The following RAP1GAP2 variants were observed in gnomAD, a reference collection of about 807,000 sequenced individuals.
RAP1GAP2 encodes RAP1 GTPase activating protein 2.
RAP1GAP2 carries 27 observed loss-of-function variants against 95.0 expected under a neutral mutation model. The ratio of observed to expected loss-of-function variants is 0.28; its 90% CI spans 0.21 to 0.39. The LOEUF (loss-of-function observed/expected upper bound fraction) is 0.39. Ranked by LOEUF, RAP1GAP2 falls within the 10% of genes least tolerant of loss-of-function variation. RAP1GAP2 has a pLI of 1.00. For synonymous variants in RAP1GAP2, 373 were observed against 380.9 expected (o/e 0.98, Z 0.24); for missense variants, 771 against 970.0 (o/e 0.79, Z 2.72).
chr17:2,826,466 G>A (rs1366126025), intron 2 of RAP1GAP2, among the ~76,000 whole-genome samples: 10 of 152,110 alleles, frequency 6.6e-5, no homozygotes, highest in Non-Finnish European at 1.0e-4. Flanking sequence ...GGCTCTGAGT[G>A]TGTTGCCGGC....
At chr17:2,964,947 C>G (rs1207968616) in intron 7 of RAP1GAP2, 1 of 152,804 alleles carries the variant, frequency 6.5e-6, no homozygotes, top group Non-Finnish European at 1.5e-5. Flanking sequence ...TGTTAGCATG[C>G]AGATTCCAGG....
intron 8 of RAP1GAP2, among the ~76,000 whole-genome samples, chr17:2,972,598 CAAAAAAAAAAAAA>C (rs35539479): frequency 1.2e-5 from 1 of 85,532 alleles, no homozygotes; most frequent in Non-Finnish European, 2.1e-5. Flanking sequence ...AAGTCCTTCT[CAAAAAAAAAAAAA>C]AAAAAAAAGG....
intron 2 of RAP1GAP2, among the ~76,000 whole-genome samples, chr17:2,835,019 A>G (rs1338346279): frequency 6.6e-6 from 1 of 151,718 alleles, no homozygotes; most frequent in Non-Finnish European, 1.5e-5. Flanking sequence ...TCCCAGGTTC[A>G]TGCCATTCTC....
At chr17:2,808,752 A>C (rs780937368) in intron 2 of RAP1GAP2, among the ~76,000 whole-genome samples, 3 of 151,982 alleles carry the variant, frequency 2.0e-5, no homozygotes, top group Middle Eastern at 3.2e-3. Flanking sequence ...TGGTTCGTTG[A>C]TTTCTTCAGG....
At chr17:2,780,174 C>T (rs778556302) in intron 1 of RAP1GAP2, among the ~76,000 whole-genome samples, 1 of 152,198 alleles carries the variant, frequency 6.6e-6, no homozygotes, top group Non-Finnish European at 1.5e-5. Flanking sequence ...TCTCAGCCTC[C>T]CGAGTTGCTG....
At chr17:2,970,287 A>T (rs996752708) in intron 8 of RAP1GAP2, among the ~76,000 whole-genome samples, 49 of 148,874 alleles carry the variant, frequency 3.3e-4, no homozygotes, top group Non-Finnish European at 5.5e-4. Flanking sequence ...AAAAAAAAAA[A>T]AAAAAAAAAT....
At chr17:2,927,443 G>A (rs139335849) in intron 3 of RAP1GAP2, among the ~76,000 whole-genome samples, 310 of 152,292 alleles carry the variant, frequency 2.0e-3, no homozygotes, top group East Asian at 7.1e-3. Context: ...GTGAGCCACC[G>A]CGCCCGGCTG....
chr17:2,926,452 C>CTG (rs1321800456), intron 3 of RAP1GAP2, among the ~76,000 whole-genome samples: 6 of 152,210 alleles, frequency 3.9e-5, no homozygotes, highest in Admixed American at 3.9e-4. Flanking sequence ...TCACTGCACA[C>CTG]TGTGAATATG....
At chr17:2,889,571 C>T (rs2073617223) in intron 2 of RAP1GAP2, among the ~76,000 whole-genome samples, 1 of 152,102 alleles carries the variant, frequency 6.6e-6, no homozygotes, top group Admixed American at 6.6e-5. Flanking sequence ...GGCCAGATTC[C>T]AGTATGCCCC....
chr17:2,811,505 A>G (rs1199022525), intron 2 of RAP1GAP2, among the ~76,000 whole-genome samples: 1 of 152,212 alleles, frequency 6.6e-6, no homozygotes, highest in African/African-American at 2.4e-5. Flanking sequence ...CACTGCAAGA[A>G]TGCTGGCCTG....
At chr17:2,837,028 A>T (rs939717798) in intron 2 of RAP1GAP2, among the ~76,000 whole-genome samples, 7 of 152,134 alleles carry the variant, frequency 4.6e-5, no homozygotes, top group Admixed American at 6.6e-5. Flanking sequence ...AGACAGGAGG[A>T]TCACTTGAGG....
chr17:2,925,503 G>A (rs561506382), intron 3 of RAP1GAP2, among the ~76,000 whole-genome samples: 6 of 152,212 alleles, frequency 3.9e-5, no homozygotes, highest in African/African-American at 1.2e-4. Context: ...TCACTGTCAC[G>A]AGAACAGCGT....
In RAP1GAP2 at chr17:2,797,335, C is replaced by T. The variant is rs562218814; in HGVS notation, c.44+764C>T. 5.7e-4 allele frequency among the ~76,000 whole-genome samples: 87 copies of T among 152,288 alleles called. No homozygotes were observed. Among genetic ancestry groups the T allele is most frequent in the Non-Finnish European group, 1.1e-3 (77 of 68,026 alleles). ...TGTGCTTTTTCTTCCCGGCGGGGGG[C>T]AGAAGGTAGGCACACGAAGGCCAAA... On this transcript the variant is annotated intron_variant, in intron 1 of 24. Transcript: ENST00000254695. The surrounding 1 kb of genome is among the most constrained non-coding windows in gnomAD (Gnocchi z 5.6).
At chr17:2,927,239 C>T (rs1011919433) in intron 3 of RAP1GAP2, among the ~76,000 whole-genome samples, 81 of 151,666 alleles carry the variant, frequency 5.3e-4, no homozygotes, top group African/African-American at 1.7e-3. Flanking sequence ...CTGCAAGCTC[C>T]GCCTCCCGGG....
intron 19 of RAP1GAP2, among the ~76,000 whole-genome samples, chr17:3,024,674 T>G (rs1186730930): frequency 6.6e-6 from 1 of 152,244 alleles, no homozygotes; most frequent in African/African-American, 2.4e-5. Context: ...ATGTCCATTG[T>G]CTGATGAATG....
At chr17:2,909,946 C>T (rs572615391) in intron 3 of RAP1GAP2, among the ~76,000 whole-genome samples, 48 of 152,264 alleles carry the variant, frequency 3.2e-4, no homozygotes, top group Non-Finnish European at 6.0e-4. Context: ...GTGGCTTAGC[C>T]TGTGGCTGCA....
chr17:2,787,901 A>G (rs2068827973), intron 1 of RAP1GAP2, among the ~76,000 whole-genome samples: 1 of 152,208 alleles, frequency 6.6e-6, no homozygotes, highest in South Asian at 2.1e-4. Flanking sequence ...CTTTTAGCAT[A>G]TCTTCATATA....
chr17:2,842,892 C>T (rs2071426887), intron 2 of RAP1GAP2, among the ~76,000 whole-genome samples: 1 of 152,204 alleles, frequency 6.6e-6, no homozygotes, highest in African/African-American at 2.4e-5. Context: ...GGCTCCAGAA[C>T]ATGGAATCCT....
chr17:2,892,075 C>T (rs1328978197), intron 2 of RAP1GAP2, among the ~76,000 whole-genome samples: 4 of 152,038 alleles, frequency 2.6e-5, no homozygotes, highest in South Asian at 2.1e-4. Context: ...CTGCCTGTCT[C>T]GACCTCCCAA....
Sources: allele counts gnomAD v4.1 joint callset (sites outside exome capture counted in the v4.1 genomes callset), GRCh38; gene constraint gnomAD v4.1.1; non-coding constraint Gnocchi (gnomAD v3.1); transcripts MANE v1.5; gene names NCBI Gene and HGNC (gene_info 2026-07-23, HGNC 2026-07-21).